The following UBAC2 variants were observed in gnomAD, a reference collection of about 807,000 sequenced individuals.
UBAC2 encodes UBA domain containing 2.
A neutral mutation model predicts 44.0 loss-of-function variants in UBAC2; 26 were observed. The observed-to-expected ratio is 0.59, with a 90% CI of 0.43 to 0.82. The LOEUF is 0.82. UBAC2 is among the 40% of genes least tolerant of loss of function. The pLI is 0.00. For synonymous variants in UBAC2, 155 were observed against 154.3 expected (o/e 1.00, Z -0.04); for missense variants, 329 against 419.4 (o/e 0.78, Z 1.88).
intron 4 of UBAC2, among the ~76,000 whole-genome samples, chr13:99,262,473 C>T (rs1183012120): frequency 5.3e-5 from 8 of 151,952 alleles, no homozygotes; most frequent in Non-Finnish European, 1.2e-4. Flanking sequence ...GAGGCTGAGG[C>T]GGGTGGATCA....
intron 1 of UBAC2, chr13:99,201,545 GGCGTGTTAGCGGT>G: frequency 1.9e-6 from 3 of 1,614,130 alleles, no homozygotes; most frequent in Non-Finnish European, 2.5e-6. Context: ...CTGTTTTCCT[GGCGTGTTAGCGGT>G]GGTCAGCAGG....
intron 1 of UBAC2, among the ~76,000 whole-genome samples, chr13:99,237,254 GTATA>G (rs142568689): frequency 1.8e-4 from 25 of 136,486 alleles, no homozygotes; most frequent in South Asian, 7.0e-4. Context: ...AATTTTATGC[GTATA>G]TATATATATA....
chr13:99,327,478 C>CTT (rs1443104178), intron 6 of UBAC2, among the ~76,000 whole-genome samples: 10 of 150,270 alleles, frequency 6.7e-5, no homozygotes, highest in East Asian at 1.9e-4. Context: ...GTTTTTCTCT[C>CTT]TCTCTCTGTG....
intron 5 of UBAC2, among the ~76,000 whole-genome samples, chr13:99,314,516 C>T (rs1049764176): frequency 6.6e-6 from 1 of 152,048 alleles, no homozygotes; most frequent in Non-Finnish European, 1.5e-5. Flanking sequence ...TACTTTTTAA[C>T]AATCATAGTA....
intron 3 of UBAC2, 87 bp from the exon 4 acceptor site, chr13:99,244,428 C>T: frequency 1.1e-6 from 1 of 874,064 alleles, no homozygotes; most frequent in Non-Finnish European, 1.9e-6. Flanking sequence ...TATGAATACA[C>T]ACCTCTGAGC....
intron 4 of UBAC2, among the ~76,000 whole-genome samples, chr13:99,299,462 GCACA>G (rs10622782): frequency 1.3e-5 from 2 of 150,862 alleles, no homozygotes; most frequent in East Asian, 3.9e-4. Flanking sequence ...ACACACACAC[GCACA>G]CACACACACA....
intron 7 of UBAC2, among the ~76,000 whole-genome samples, chr13:99,366,328 T>C (rs757736022): frequency 1.3e-5 from 2 of 152,220 alleles, no homozygotes; most frequent in Non-Finnish European, 2.9e-5. Flanking sequence ...GATTTCCTTG[T>C]GGATTTTGTG....
intron 1 of UBAC2, among the ~76,000 whole-genome samples, chr13:99,202,256 T>C (rs1248536169): frequency 6.6e-6 from 1 of 152,200 alleles, no homozygotes; most frequent in Non-Finnish European, 1.5e-5. Flanking sequence ...CTTTGTTTCA[T>C]AATTAATTTG....
intron 4 of UBAC2, among the ~76,000 whole-genome samples, chr13:99,260,725 T>C (rs982635105): frequency 9.2e-5 from 14 of 152,154 alleles, no homozygotes; most frequent in African/African-American, 1.4e-4. Flanking sequence ...TTTTTTTTTT[T>C]CCCCAAACAG....
intron 1 of UBAC2, among the ~76,000 whole-genome samples, chr13:99,217,568 CAGGG>C (rs1207135600): frequency 6.6e-6 from 1 of 152,194 alleles, no homozygotes; most frequent in Non-Finnish European, 1.5e-5. Context: ...TCCTTGAACA[CAGGG>C]AGGCACCCCG....
chr13:99,231,788 T>C (rs1460543887), intron 1 of UBAC2, among the ~76,000 whole-genome samples: 1 of 152,216 alleles, frequency 6.6e-6, no homozygotes, highest in African/African-American at 2.4e-5. Flanking sequence ...CACATGAATT[T>C]ATCATTGGAA....
chr13:99,296,233 A>T (rs775879710), intron 4 of UBAC2: 186 of 1,308,318 alleles, frequency 1.4e-4, no homozygotes, highest in Non-Finnish European at 1.8e-4. Flanking sequence ...CATTAGTTTT[A>T]AAAAAGTTTA....
In UBAC2 at chr13:99,379,830, C is replaced by A. The variant is rs1262873192; in HGVS notation, c.928-5398C>A. Among the ~76,000 whole-genome samples, 9 of 152,226 alleles carry A rather than the reference C, an allele frequency of 5.9e-5. No homozygotes were observed. In the South Asian group the frequency reaches 6.2e-4, roughly 10 times the overall value. ...TTCTGTGCTATAGATAAACATAAAT[C>A]TTTTTCTTATCACTGTTACCCAGAG... On this transcript the variant is annotated intron_variant, in intron 8 of 8. Transcript: ENST00000403766.
intron 1 of UBAC2, among the ~76,000 whole-genome samples, chr13:99,231,020 C>T (rs551255928): frequency 1.3e-5 from 2 of 152,196 alleles, no homozygotes; most frequent in South Asian, 2.1e-4. Context: ...TGTACTCCAG[C>T]CTGGGCGACA....
At chr13:99,264,735 A>C (rs1271661975) in intron 4 of UBAC2, among the ~76,000 whole-genome samples, 1 of 152,152 alleles carries the variant, frequency 6.6e-6, no homozygotes, top group Non-Finnish European at 1.5e-5. Context: ...CATTGCAGAG[A>C]GTATTTTACC....
intron 1 of UBAC2, among the ~76,000 whole-genome samples, chr13:99,209,516 C>G (rs933190852): frequency 1.3e-5 from 2 of 152,160 alleles, no homozygotes; most frequent in African/African-American, 4.8e-5. Flanking sequence ...AACTGTTTGG[C>G]TCTCTTCTTT....
intron 4 of UBAC2, among the ~76,000 whole-genome samples, chr13:99,249,280 G>A (rs2043428225): frequency 6.6e-6 from 1 of 151,992 alleles, no homozygotes; most frequent in African/African-American, 2.4e-5. Flanking sequence ...TTTTAAGTGA[G>A]TTCATGTGGC....
chr13:99,311,583 A>T (rs1377224984), intron 4 of UBAC2, among the ~76,000 whole-genome samples: 1 of 152,346 alleles, frequency 6.6e-6, no homozygotes, highest in East Asian at 1.9e-4. Flanking sequence ...AAAAAATCCA[A>T]CCAATATTGA....
chr13:99,226,025 A>G (rs2043106747), intron 1 of UBAC2, among the ~76,000 whole-genome samples: 1 of 152,208 alleles, frequency 6.6e-6, no homozygotes, highest in Non-Finnish European at 1.5e-5. Context: ...GCACATGTTT[A>G]GTTGATATGT....
Sources: gnomAD v4.1 joint callset for allele counts (sites outside exome capture counted in the v4.1 genomes callset) on GRCh38, gnomAD v4.1.1 for gene constraint, MANE v1.5 for transcripts, NCBI Gene and HGNC (gene_info 2026-07-23, HGNC 2026-07-21) for gene names.